CNTNAP5: variants seen among roughly 807,000 people sequenced by gnomAD.
The protein encoded by CNTNAP5 is contactin-associated protein-like 5.
CNTNAP5 carries 72 observed loss-of-function variants against 150.2 expected under a neutral mutation model. The ratio of observed to expected loss-of-function variants is 0.48; its 90% CI spans 0.40 to 0.58. The LOEUF (loss-of-function observed/expected upper bound fraction) is 0.58. Ranked by LOEUF, CNTNAP5 falls within the 20% of genes least tolerant of loss-of-function variation. The pLI is 0.00. For missense variants in CNTNAP5, 1,636 were observed against 1,626.2 expected (o/e 1.01, Z -0.10); for synonymous variants, 672 against 619.8 (o/e 1.08, Z -1.25).
rs138585467 is a variant in CNTNAP5 at position 124,237,175 on chromosome 2, A to G, written c.188-5025A>G. 2.9e-3 allele frequency among the ~76,000 whole-genome samples: 436 copies of G among 152,268 alleles called. 1 individual carries two copies. The highest frequency in any genetic ancestry group is 9.9e-3 in the African/African-American group (413 of 41,568). On this transcript the variant is annotated intron_variant, in intron 2 of 23. Coordinates refer to ENST00000682447, the MANE Select transcript of CNTNAP5 (RefSeq NM_001367498.1). ...AAAACACATTAGGCATGAAAATGCTATGCTGCTATGTGTGTGTATGACGCT... is the reference window on the plus strand; with the variant it reads ...AAAACACATTAGGCATGAAAATGCTGTGCTGCTATGTGTGTGTATGACGCT...
chr2:124,451,412 T>TA (rs1201545263), intron 6 of CNTNAP5, among the ~76,000 whole-genome samples: 2 of 152,010 alleles, frequency 1.3e-5, no homozygotes, highest in African/African-American at 4.8e-5. Flanking sequence ...CTAAGATATA[T>TA]AAAAAATTTC....
At chr2:124,331,062 T>A (rs1305330739) in intron 3 of CNTNAP5, among the ~76,000 whole-genome samples, 1 of 152,136 alleles carries the variant, frequency 6.6e-6, no homozygotes, top group Admixed American at 6.6e-5. Flanking sequence ...AACTCATACT[T>A]GTCGGAGTCC....
At chr2:124,486,787 A>G (rs1693890473) in intron 7 of CNTNAP5, among the ~76,000 whole-genome samples, 1 of 152,230 alleles carries the variant, frequency 6.6e-6, no homozygotes, top group Non-Finnish European at 1.5e-5. Flanking sequence ...TATATGCTCC[A>G]TAAAAAAATA....
intron 3 of CNTNAP5, among the ~76,000 whole-genome samples, chr2:124,259,640 G>A (rs1391401659): frequency 1.3e-5 from 2 of 152,064 alleles, no homozygotes; most frequent in Non-Finnish European, 2.9e-5. Context: ...GTGTCTTTTG[G>A]CTGCATAAAT....
At chr2:124,642,226 C>A (rs1339269671) in intron 12 of CNTNAP5, among the ~76,000 whole-genome samples, 1 of 152,030 alleles carries the variant, frequency 6.6e-6, no homozygotes, top group African/African-American at 2.4e-5. Context: ...CAGAATATTC[C>A]ACCATTACTA....
intron 1 of CNTNAP5, among the ~76,000 whole-genome samples, chr2:124,205,659 C>T (rs1412460249): frequency 6.6e-6 from 1 of 152,166 alleles, no homozygotes; most frequent in South Asian, 2.1e-4. Flanking sequence ...ACCTCCACCT[C>T]CCAAAATGCT....
At chr2:124,069,495 A>G (rs1269791120) in intron 1 of CNTNAP5, among the ~76,000 whole-genome samples, 1 of 152,126 alleles carries the variant, frequency 6.6e-6, no homozygotes, top group Non-Finnish European at 1.5e-5. Flanking sequence ...TTGAATAAAC[A>G]TAGGTGGTAG....
chr2:124,088,097 A>G (rs78007418), intron 1 of CNTNAP5, among the ~76,000 whole-genome samples: 13,711 of 152,154 alleles, frequency 0.09, 681 homozygotes, highest in Non-Finnish European at 0.12. Flanking sequence ...ACTGACCCCC[A>G]GTCACTGAAG....
intron 11 of CNTNAP5, among the ~76,000 whole-genome samples, chr2:124,608,058 C>T (rs1677294814): frequency 6.6e-6 from 1 of 152,134 alleles, no homozygotes; most frequent in Admixed American, 6.5e-5. Flanking sequence ...TCATAACTTT[C>T]CTGGTAATAA....
chr2:124,437,171 A>G (rs1426014904), intron 5 of CNTNAP5, among the ~76,000 whole-genome samples: 1 of 152,198 alleles, frequency 6.6e-6, no homozygotes, highest in African/African-American at 2.4e-5. Context: ...AACTCTTCCT[A>G]AAGTAGGTAC....
chr2:124,721,482 A>AAAAT (rs796076753), intron 13 of CNTNAP5, among the ~76,000 whole-genome samples: 266 of 118,856 alleles, frequency 2.2e-3, no homozygotes, highest in African/African-American at 4.3e-3. Context: ...ACTCCATCTC[A>AAAAT]AAATAAATAA....
chr2:124,265,384 G>A (rs896092135), intron 3 of CNTNAP5, among the ~76,000 whole-genome samples: 2 of 152,070 alleles, frequency 1.3e-5, no homozygotes, highest in African/African-American at 4.8e-5. Context: ...ATAACGGCTC[G>A]CTGACTGCAC....
chr2:124,695,654 A>C (rs1679390537), intron 13 of CNTNAP5, among the ~76,000 whole-genome samples: 1 of 152,204 alleles, frequency 6.6e-6, no homozygotes, highest in Non-Finnish European at 1.5e-5. Context: ...AACATATCTC[A>C]AGAAAGTCTG....
At chr2:124,519,998 T>G (rs1558937593) in intron 8 of CNTNAP5, among the ~76,000 whole-genome samples, 1 of 152,174 alleles carries the variant, frequency 6.6e-6, no homozygotes, top group Non-Finnish European at 1.5e-5. Flanking sequence ...TCAGGTTTTT[T>G]TAAGATTATA....
intron 3 of CNTNAP5, among the ~76,000 whole-genome samples, chr2:124,410,070 G>A (rs1691707206): frequency 6.6e-6 from 1 of 151,970 alleles, no homozygotes; most frequent in African/African-American, 2.4e-5. Flanking sequence ...AAAAAGGCAG[G>A]GGTTGCCATC....
chr2:124,796,444 A>T (rs111311900), intron 18 of CNTNAP5, among the ~76,000 whole-genome samples: 56 of 152,332 alleles, frequency 3.7e-4, no homozygotes, highest in Non-Finnish European at 5.6e-4. Flanking sequence ...CAAGCTGATG[A>T]TAACCAGAAT....
chr2:124,176,267 T>A (rs1685060971), intron 1 of CNTNAP5, among the ~76,000 whole-genome samples: 1 of 152,176 alleles, frequency 6.6e-6, no homozygotes, highest in African/African-American at 2.4e-5. Context: ...ATTTCACATC[T>A]CATTCTGGGG....
chr2:124,872,205 T>C (rs908054481), intron 21 of CNTNAP5, among the ~76,000 whole-genome samples: 3 of 152,084 alleles, frequency 2.0e-5, no homozygotes, highest in African/African-American at 7.2e-5. Flanking sequence ...AAAGATAATT[T>C]GTTGTCTCTG....
At chr2:124,838,978 A>G (rs372417188) in intron 19 of CNTNAP5, among the ~76,000 whole-genome samples, 145 of 152,272 alleles carry the variant, frequency 9.5e-4, no homozygotes, top group African/African-American at 3.3e-3. Context: ...GAAGAGTCAT[A>G]CATTAATAAA....
Sources: gnomAD v4.1 joint callset for allele counts (sites outside exome capture counted in the v4.1 genomes callset) on GRCh38, gnomAD v4.1.1 for gene constraint, MANE v1.5 for transcripts, NCBI Gene and HGNC (gene_info 2026-07-23, HGNC 2026-07-21) for gene names.